Variants in INSR observed in about 807,000 individuals in gnomAD.
The protein encoded by INSR is IR.
A neutral mutation model predicts 142.6 loss-of-function variants in INSR; 67 were observed. The ratio of observed to expected loss-of-function variants is 0.47; its 90% CI spans 0.39 to 0.58. The LOEUF (loss-of-function observed/expected upper bound fraction) is 0.58. INSR is among the 20% of genes least tolerant of loss of function. The pLI is 0.00. For missense variants in INSR, 1,248 were observed against 1,833.2 expected, an observed-to-expected ratio of 0.68 and a Z score of 5.83; for synonymous variants, 756 against 743.1, an observed-to-expected ratio of 1.02 and a Z score of -0.28.
rs868720872 is a variant in INSR, at chr19:7,125,679, G to A, written c.3014-152C>T. Reference sequence around the variant, plus strand: ...CATGCCGGGCACTGGGCATATGGCCGAGAACAGGACAGGCATCTGCACCCA... The same window carrying A: ...CATGCCGGGCACTGGGCATATGGCCAAGAACAGGACAGGCATCTGCACCCA... On this transcript the variant is annotated intron_variant, in intron 16 of 21. Transcript: ENST00000302850. The surrounding 1 kb of genome is among the most constrained non-coding windows in gnomAD (Gnocchi z 4.9). 5.3e-5 allele frequency: 54 copies of A among 1,027,220 alleles called. No homozygotes were observed. The highest frequency in any genetic ancestry group is 4.4e-4 in the South Asian group (32 of 73,348). The allele number at this position is 1,027,220 out of a possible 1,614,324, so 63.6% of individuals were successfully genotyped here. A position where few individuals can be genotyped will look rare whatever the true frequency, so the allele number is the denominator to read the frequency against.
At chr19:7,199,171 T>C (rs1974878398) in intron 2 of INSR, among the ~76,000 whole-genome samples, 1 of 152,066 alleles carries the variant, frequency 6.6e-6, no homozygotes, top group Non-Finnish European at 1.5e-5. Context: ...ATGAATACAC[T>C]TTAAAGTGTG....
intron 14 of INSR, among the ~76,000 whole-genome samples, chr19:7,129,453 T>G (rs985589717): frequency 7.9e-5 from 12 of 152,144 alleles, no homozygotes; most frequent in Admixed American, 5.2e-4. Context: ...GCCTCCCAAG[T>G]AGCTGGGACT....
chr19:7,174,570 C>CAG lies in INSR; in HGVS notation c.1123+11_1123+12dup. 6.2e-7 allele frequency: 1 copy of CAG among 1,613,918 alleles called. No homozygotes were observed. Among genetic ancestry groups the CAG allele is most frequent in the Non-Finnish European group, 8.5e-7 (1 of 1,179,902 alleles). ...CCAACAGGCACCCCCGACGCCCACA[C>CAG]AGAGACACTCACTGCCTCCTCGAAT... On this transcript the variant is annotated intron_variant, in intron 4 of 21. Transcript: ENST00000302850.
At chr19:7,260,481 C>T (rs1977024467) in intron 2 of INSR, among the ~76,000 whole-genome samples, 2 of 152,184 alleles carry the variant, frequency 1.3e-5, no homozygotes, top group South Asian at 4.1e-4. Flanking sequence ...ATGCTGTTGG[C>T]ACCCAAAAAT....
At chr19:7,162,964 G>T in intron 9 of INSR, 68 bp downstream of exon 9, 3 of 1,523,652 alleles carry the variant, frequency 2.0e-6, no homozygotes, top group Non-Finnish European at 2.7e-6. Context: ...TTCCCTAGAG[G>T]TGAAGCAAAG....
chr19:7,224,174 C>T (rs1975707358), intron 2 of INSR, among the ~76,000 whole-genome samples: 1 of 151,724 alleles, frequency 6.6e-6, no homozygotes, highest in African/African-American at 2.4e-5. Flanking sequence ...GATCTCTTGA[C>T]CTCGTGATCC....
chr19:7,268,369 G>T (rs1200485527), intron 1 of INSR: 2 of 923,306 alleles, frequency 2.2e-6, no homozygotes, highest in Non-Finnish European at 2.6e-6. Context: ...TTTCCTTCCC[G>T]GACTGCTCTC....
At chr19:7,127,414 A>G (rs761090641) in intron 15 of INSR, among the ~76,000 whole-genome samples, 6 of 152,250 alleles carry the variant, frequency 3.9e-5, no homozygotes, top group Non-Finnish European at 5.9e-5. Flanking sequence ...GAGGCTTACA[A>G]TTAAATAAAT....
At chr19:7,288,035 C>G (rs1207272405) in intron 1 of INSR, among the ~76,000 whole-genome samples, 3 of 152,040 alleles carry the variant, frequency 2.0e-5, no homozygotes, top group African/African-American at 7.2e-5. Flanking sequence ...TTTGCTGACC[C>G]CTGTTCAGAT....
chr19:7,184,627 G>A lies in INSR; in HGVS notation c.663C>T (p.Thr221=), dbSNP rs1473884131. ...CGGTGCAGCCGTGTGACTTACAGAT[G>A]GTCGGGCAAACTGGAGAGAGAGAGA... The part of the protein sequence containing the change: ...THSHCQKVCP[T]ICKSHGCTAE... The change falls in exon 3 of 22, where the codon ACC becomes ACT. Residue 221 remains threonine (T), a synonymous_variant. Coordinates refer to ENST00000302850, the MANE Select transcript of INSR (RefSeq NM_000208.4). 6 of 1,606,478 alleles carry A rather than the reference G, an allele frequency of 3.7e-6. No homozygotes were observed. Among genetic ancestry groups the A allele is most frequent in the Non-Finnish European group, 5.1e-6 (6 of 1,177,752 alleles).
intron 2 of INSR, among the ~76,000 whole-genome samples, chr19:7,226,814 T>C (rs1975802961): frequency 6.6e-6 from 1 of 150,458 alleles, no homozygotes; most frequent in African/African-American, 2.5e-5. Context: ...TCCAAACAGG[T>C]TTCCAAATTG....
At chr19:7,212,224 C>G (rs1054438947) in intron 2 of INSR, among the ~76,000 whole-genome samples, 1 of 152,078 alleles carries the variant, frequency 6.6e-6, no homozygotes, top group African/African-American at 2.4e-5. Flanking sequence ...CTTGCCAGAG[C>G]CAGAGGGAAA....
chr19:7,126,149 A>G (rs77357340), intron 16 of INSR, among the ~76,000 whole-genome samples: 2,103 of 152,312 alleles, frequency 0.014, 28 homozygotes, highest in South Asian at 0.053. Context: ...GGCTAGATGG[A>G]CAGAGTGAGG....
rs1353689861 is a variant in INSR, at chr19:7,128,972, AAT to A, written c.2843-20_2843-19del. On this transcript the variant is annotated intron_variant, in intron 14 of 21. Transcript: ENST00000302850. ...GACGTCTACTGAAATAGAATAAGAA[AAT>A]ATATGTTTCATATCAATGTGTTTCC... 3.2e-6 allele frequency: 5 copies of A among 1,562,702 alleles called. No individual in the cohort carries two copies. Among genetic ancestry groups the A allele is most frequent in the Non-Finnish European group, 3.5e-6 (4 of 1,133,264 alleles).
At chr19:7,183,475 G>A (rs1015918160) in intron 3 of INSR, among the ~76,000 whole-genome samples, 5 of 152,050 alleles carry the variant, frequency 3.3e-5, no homozygotes, top group African/African-American at 7.3e-5. Context: ...TCACCCAAAC[G>A]GCAGGAAATG....
intron 2 of INSR, among the ~76,000 whole-genome samples, chr19:7,250,600 G>GGAGGGAGGGAGGGAAGGAAGGAAGGAA (rs1568218256): frequency 1.8e-4 from 23 of 131,066 alleles, no homozygotes; most frequent in African/African-American, 6.8e-4. Context: ...GAAGGAAGGA[G>GGAGGGAGGGAGGGAAGGAAGGAAGGAA]AGGAGGGAGG....
At chr19:7,191,919 AAAG>A (rs1241886384) in intron 2 of INSR, among the ~76,000 whole-genome samples, 1 of 139,498 alleles carries the variant, frequency 7.2e-6, no homozygotes, top group Non-Finnish European at 1.6e-5. Context: ...AGAAAGACAG[AAAG>A]AAGGAGGGAA....
rs1972273997 is a variant in INSR at position 7,114,455 on chromosome 19, G to T, written c.*2601C>A. ...TTAAAGGAAGATTAAATTCAGAGAAGAATATTACCAGCCAGGAAGAAAAGG... is the reference window on the plus strand; with the variant it reads ...TTAAAGGAAGATTAAATTCAGAGAATAATATTACCAGCCAGGAAGAAAAGG... On this transcript the variant is annotated 3_prime_UTR_variant, in exon 22 of 22. Transcript: ENST00000302850. 1.3e-5 allele frequency: 2 copies of T among 152,134 alleles called. No homozygotes were observed. Among genetic ancestry groups the T allele is most frequent in the East Asian group, 3.8e-4 (2 of 5,200 alleles). The allele number at this position is 152,134 out of a possible 1,614,324, so 9.4% of individuals were successfully genotyped here.
In INSR at chr19:7,225,236, G is replaced by A. The variant is rs896055753; in HGVS notation, c.653-40599C>T. Among the ~76,000 whole-genome samples, 3 of 152,276 alleles carry A rather than the reference G, an allele frequency of 2.0e-5. No homozygotes were observed. The highest frequency in any genetic ancestry group is 2.1e-4 in the South Asian group (1 of 4,814). ...ATGGTCACACAGCTATTGAGCGGCC[G>A]AGCCACAAGAAGACACTTGCTCCAT... On this transcript the variant is annotated intron_variant, in intron 2 of 21. Transcript: ENST00000302850. The surrounding 1 kb of genome is among the most constrained non-coding windows in gnomAD (Gnocchi z 4.7).
Sources: allele counts gnomAD v4.1 joint callset (sites outside exome capture counted in the v4.1 genomes callset), GRCh38; gene constraint gnomAD v4.1.1; non-coding constraint Gnocchi (gnomAD v3.1); transcripts MANE v1.5; gene names NCBI Gene and HGNC (gene_info 2026-07-23, HGNC 2026-07-21).